ARID2: variants seen among roughly 807,000 people sequenced by gnomAD.
ARID2 encodes AT-rich interaction domain 2.
In ARID2, 32 loss-of-function variants were observed where a neutral mutation model predicts 184.6. The ratio of observed to expected loss-of-function variants is 0.17; its 90% CI spans 0.13 to 0.23. ARID2 has a LOEUF of 0.23. Ranked by LOEUF, ARID2 falls within the 10% of genes least tolerant of loss-of-function variation. The pLI is 1.00. For synonymous variants in ARID2, 836 were observed against 772.6 expected, an observed-to-expected ratio of 1.08 and a Z score of -1.36; for missense variants, 1,696 against 2,197.6, an observed-to-expected ratio of 0.77 and a Z score of 4.56.
In ARID2 at chr12:45,838,102, T is replaced by C. The variant is rs572802638; in HGVS notation, c.1330+395T>C. ...AAATTTGAAATGGACAAAACTGCTA[T>C]ATCTAACTTATCTGAGAGCAGGTCT... On this transcript the variant is annotated intron_variant, in intron 10 of 20. Coordinates refer to ENST00000334344, the MANE Select transcript of ARID2 (RefSeq NM_152641.4). Among the ~76,000 whole-genome samples the C allele has an allele frequency of 6.6e-5, 10 of 152,330 alleles. No homozygotes were observed. In the East Asian group the frequency reaches 1.9e-3, roughly 29 times the overall value.
At position 45,800,948 on chromosome 12, in the gene ARID2, AAAT is replaced by A. The variant is rs1942486479; in HGVS notation, c.285-10466_285-10464del. Among the ~76,000 whole-genome samples, 3 of 152,302 alleles carry A rather than the reference AAAT, an allele frequency of 2.0e-5. No individual in the cohort carries two copies. In the South Asian group the frequency reaches 6.2e-4, roughly 32 times the overall value. ...AGACTCTCTGAATCCATGGTAGTATAAATAATGAGTAAATAAACGAGAGAGGAT... is the reference window on the plus strand; with the variant it reads ...AGACTCTCTGAATCCATGGTAGTATAAATGAGTAAATAAACGAGAGAGGAT... On this transcript the variant is annotated intron_variant, in intron 3 of 20. Transcript: ENST00000334344.
chr12:45,837,771 A>G (rs1592109261), intron 10 of ARID2, 64 bp downstream of exon 10: 3 of 1,420,984 alleles, frequency 2.1e-6, no homozygotes, highest in Non-Finnish European at 2.9e-6. Context: ...ATGGTACTGT[A>G]CAAAACCCTC....
At chr12:45,819,963 C>T (rs534762798) in intron 5 of ARID2, among the ~76,000 whole-genome samples, 1 of 152,102 alleles carries the variant, frequency 6.6e-6, no homozygotes, top group East Asian at 1.9e-4. Flanking sequence ...AGGCCAATCT[C>T]AAACTCCTGT....
In ARID2 at chr12:45,822,900, T is replaced by C. The variant is rs1942925864; in HGVS notation, c.705+1413T>C. ...TCGGGACTTTACTCACTTTCAGCATTGGACAGATCATCTAGATAGAAAATC... is the reference window on the plus strand; with the variant it reads ...TCGGGACTTTACTCACTTTCAGCATCGGACAGATCATCTAGATAGAAAATC... On this transcript the variant is annotated intron_variant, in intron 6 of 20. Transcript: ENST00000334344. Among the ~76,000 whole-genome samples the C allele has an allele frequency of 1.3e-5, 2 of 152,154 alleles. 1 individual carries two copies. Among genetic ancestry groups the C allele is most frequent in the South Asian group, 4.1e-4 (2 of 4,832 alleles).
chr12:45,904,845 T>C, intron 20 of ARID2, 89 bp from the exon 21 acceptor site: 2 of 1,369,252 alleles, frequency 1.5e-6, no homozygotes, highest in Non-Finnish European at 2.0e-6. Flanking sequence ...GTATTGTTTC[T>C]ATTTTAGTTT....
At chr12:45,849,070 TTC>T in intron 13 of ARID2, 100 bp downstream of exon 13, 1 of 1,360,158 alleles carries the variant, frequency 7.4e-7, no homozygotes, top group Non-Finnish European at 9.9e-7. Context: ...TTTTAAATAT[TTC>T]TACTACTAGA....
intron 16 of ARID2, among the ~76,000 whole-genome samples, chr12:45,872,748 A>G (rs898921275): frequency 1.3e-5 from 2 of 152,170 alleles, no homozygotes; most frequent in African/African-American, 4.8e-5. Flanking sequence ...CAGAGTATAC[A>G]TATGATTTCT....
chr12:45,842,464 A>T (rs557630760), intron 11 of ARID2, among the ~76,000 whole-genome samples: 1 of 152,010 alleles, frequency 6.6e-6, no homozygotes, highest in Non-Finnish European at 1.5e-5. Flanking sequence ...TTTTATAAAT[A>T]ATTATTAAAC....
Position 45,766,805 on chromosome 12 carries a change from C to T in ARID2, c.284+35491C>T, listed in dbSNP as rs185763422. Among the ~76,000 whole-genome samples, 356 of 149,252 alleles carry T rather than the reference C, an allele frequency of 2.4e-3. 3 individuals carry two copies. The highest frequency in any genetic ancestry group is 7.9e-3 in the African/African-American group (321 of 40,656). Reference sequence around the variant, plus strand: ...CTGGGATTACAGGCGTGAGCCACCGCGCCCAGCCGGCATATATTTAATTTT... The same window carrying T: ...CTGGGATTACAGGCGTGAGCCACCGTGCCCAGCCGGCATATATTTAATTTT... On this transcript the variant is annotated intron_variant, in intron 3 of 20. Coordinates refer to ENST00000334344, the MANE Select transcript of ARID2 (RefSeq NM_152641.4).
At chr12:45,816,800 A>T (rs1942812203) in intron 4 of ARID2, among the ~76,000 whole-genome samples, 1 of 152,180 alleles carries the variant, frequency 6.6e-6, no homozygotes, top group African/African-American at 2.4e-5. Context: ...ACAACAAAAG[A>T]CTATATTGTG....
At chr12:45,757,012 C>G (rs1941584440) in intron 3 of ARID2, among the ~76,000 whole-genome samples, 1 of 152,154 alleles carries the variant, frequency 6.6e-6, no homozygotes, top group Non-Finnish European at 1.5e-5. Context: ...AAGGAGTATT[C>G]ATCTTTGTAA....
intron 16 of ARID2, among the ~76,000 whole-genome samples, chr12:45,885,285 C>T (rs35124): frequency 0.15 from 22,411 of 151,842 alleles, 1,993 homozygotes; most frequent in Admixed American, 0.21. Context: ...CATGGTTCTG[C>T]AACCAATAAT....
In ARID2 at chr12:45,731,225, G is replaced by A. The variant is rs1297543190; in HGVS notation, c.195G>A (p.Glu65=). Residue 65 remains glutamate (E), a synonymous_variant, in exon 3 of 21, where the codon GAG becomes GAA. Transcript: ENST00000334344. ...TGCCTGTGTTTTACCAGGTTTCTGA[G>A]AAGAATCAGTGGGGAGAAATTGTTG... ...TTLGGFAKVS[E]KNQWGEIVEE... is the part of the protein sequence containing the mutation. 2 of 1,612,668 alleles carry A rather than the reference G, an allele frequency of 1.2e-6. No individual in the cohort carries two copies. Among genetic ancestry groups the A allele is most frequent in the South Asian group, 1.1e-5 (1 of 91,052 alleles).
chr12:45,844,476 C>A (rs1346593550), intron 11 of ARID2, among the ~76,000 whole-genome samples: 1 of 152,034 alleles, frequency 6.6e-6, no homozygotes, highest in Non-Finnish European at 1.5e-5. Context: ...AACCAAGGGG[C>A]CAGAATACCC....
intron 11 of ARID2, chr12:45,841,853 T>G (rs1375535490): frequency 6.6e-6 from 1 of 152,226 alleles, no homozygotes; most frequent in Non-Finnish European, 1.5e-5. Context: ...ATAATACATT[T>G]TATGTTTGAG....
At position 45,851,316 on chromosome 12, in the gene ARID2, C is replaced by T. The variant is rs1251425183; in HGVS notation, c.3193C>T (p.Leu1065Phe). 6.2e-7 allele frequency: 1 copy of T among 1,614,138 alleles called. No homozygotes were observed. Among genetic ancestry groups the T allele is most frequent in the East Asian group, 2.2e-5 (1 of 44,882 alleles). The change falls in exon 15 of 21, where the codon CTT becomes TTT. Residue 1065 changes from leucine to phenylalanine, a missense_variant. Physicochemically the swap from Leu to Phe is conservative, Grantham distance 22. Transcript: ENST00000334344. The stretch of plus-strand genomic sequence containing the variant: ...GTCGAGTCTGATTAAACAGCTTCTG[C>T]TTCCGAAACGTGGTCCTTCAACACC... ...GESSLIKQLL[L>F]PKRGPSTPGG...
Position 45,818,224 on chromosome 12 carries a change from G to A in ARID2, c.637+336G>A, listed in dbSNP as rs573673623. Among the ~76,000 whole-genome samples, 42 of 152,266 alleles carry A rather than the reference G, an allele frequency of 2.8e-4. 1 individual carries two copies. In the South Asian group the frequency reaches 5.2e-3, roughly 19 times the overall value. Reference sequence around the variant, plus strand: ...TTTTCTGAAGTCTATTACTGCTAATGTGTGGCTATAATTTTTAACTAAAAC... The same window carrying A: ...TTTTCTGAAGTCTATTACTGCTAATATGTGGCTATAATTTTTAACTAAAAC... On this transcript the variant is annotated intron_variant, in intron 5 of 20. Coordinates refer to ENST00000334344, the MANE Select transcript of ARID2 (RefSeq NM_152641.4).
At chr12:45,901,201 C>T (rs1944454024) in intron 20 of ARID2, among the ~76,000 whole-genome samples, 2 of 109,558 alleles carry the variant, frequency 1.8e-5, no homozygotes, top group African/African-American at 3.9e-5. Flanking sequence ...GACAGAGTCT[C>T]GCTCCGTTGC....
intron 3 of ARID2, among the ~76,000 whole-genome samples, chr12:45,793,309 G>T (rs561442546): frequency 6.6e-6 from 1 of 150,684 alleles, no homozygotes; most frequent in South Asian, 2.1e-4. Context: ...AAAAAAAAAA[G>T]ACTTATTTTG....
Sources: allele counts gnomAD v4.1 joint callset (sites outside exome capture counted in the v4.1 genomes callset), GRCh38; gene constraint gnomAD v4.1.1; transcripts MANE v1.5; gene names NCBI Gene and HGNC (gene_info 2026-07-23, HGNC 2026-07-21).